GLIS3: variants seen among roughly 807,000 people sequenced by gnomAD.
The protein encoded by GLIS3 is GLIS family zinc finger 3, also known as zinc finger protein GLIS3.
In GLIS3, 53 loss-of-function variants were observed where a neutral mutation model predicts 78.6. The observed-to-expected ratio is 0.67, with a 90% CI of 0.54 to 0.85. The LOEUF is 0.85. Ranked by LOEUF, GLIS3 falls within the 40% of genes least tolerant of loss-of-function variation. GLIS3 has a pLI of 0.00. For missense variants in GLIS3, 1,703 were observed against 1,231.1 expected (o/e 1.38, Z -5.74); for synonymous variants, 684 against 509.9 (o/e 1.34, Z -4.60).
the GLIS3 span, among the ~76,000 whole-genome samples, chr9:4,489,884 G>A: frequency 1.2e-4 from 19 of 152,326 alleles, 1 homozygote; most frequent in African/African-American, 4.3e-4. Context: ...ACTCGAAGAG[G>A]AGAATAATCC....
intron 2 of GLIS3, among the ~76,000 whole-genome samples, chr9:4,210,579 G>C (rs2131297345): frequency 6.6e-6 from 1 of 152,222 alleles, no homozygotes; most frequent in Admixed American, 6.5e-5. Flanking sequence ...GAGCTGCCCT[G>C]GGACTCTTTT....
At chr9:4,130,015 C>G (rs535062405) in intron 2 of GLIS3, among the ~76,000 whole-genome samples, 1 of 152,244 alleles carries the variant, frequency 6.6e-6, no homozygotes, top group South Asian at 2.1e-4. Context: ...TATCCATTAG[C>G]AGTGAGGTTG....
In GLIS3 at chr9:3,940,245, T is replaced by G. The variant is rs976698701; in HGVS notation, c.1711-3056A>C. ...TACCAAAATTGGATTCTTTGACTTTTGGGGCAAATGGATGCCTTTTATCCT... is the reference window on the plus strand; with the variant it reads ...TACCAAAATTGGATTCTTTGACTTTGGGGGCAAATGGATGCCTTTTATCCT... On this transcript the variant is annotated intron_variant, in intron 4 of 10. Transcript: ENST00000381971. 3.3e-5 allele frequency among the ~76,000 whole-genome samples: 5 copies of G among 152,226 alleles called. No individual in the cohort carries two copies. In the East Asian group the frequency reaches 9.6e-4, roughly 29 times the overall value.
At chr9:4,314,375 T>C (rs941485346) in intron 2 of GLIS3, among the ~76,000 whole-genome samples, 2 of 152,194 alleles carry the variant, frequency 1.3e-5, no homozygotes, top group African/African-American at 4.8e-5. Context: ...GTTTCCTCAG[T>C]GTCCTTACTC....
chr9:4,354,927 T>C, the GLIS3 span, among the ~76,000 whole-genome samples: 101 of 151,956 alleles, frequency 6.6e-4, no homozygotes, highest in Non-Finnish European at 7.9e-4. Flanking sequence ...CCATCCTGGC[T>C]AACACGGCGA....
chr9:4,061,965 A>G (rs1826691894), intron 4 of GLIS3, among the ~76,000 whole-genome samples: 3 of 152,208 alleles, frequency 2.0e-5, no homozygotes, highest in Admixed American at 2.0e-4. Context: ...GGGAGCATAA[A>G]AAATGGGGAA....
intron 1 of GLIS3, among the ~76,000 whole-genome samples, chr9:4,292,005 AG>A (rs1816022080): frequency 6.6e-6 from 1 of 152,150 alleles, no homozygotes; most frequent in Non-Finnish European, 1.5e-5. Context: ...GAGGAAAATT[AG>A]GGGTTTTCTT....
the GLIS3 span, among the ~76,000 whole-genome samples, chr9:4,385,775 AAG>A: frequency 1.3e-5 from 1 of 75,574 alleles, no homozygotes; most frequent in African/African-American, 7.2e-5. Context: ...GAAAGAAAGA[AAG>A]AAAGAAAGAA....
At chr9:4,357,588 T>TGC in the GLIS3 span, among the ~76,000 whole-genome samples, 1 of 149,264 alleles carries the variant, frequency 6.7e-6, no homozygotes, top group Non-Finnish European at 1.5e-5. Context: ...TGTGTGTGTG[T>TGC]GCATGTGTAT....
chr9:4,055,107 A>T (rs1588554797), intron 4 of GLIS3, among the ~76,000 whole-genome samples: 1 of 152,282 alleles, frequency 6.6e-6, no homozygotes, highest in East Asian at 1.9e-4. Context: ...TGCCTTTTTC[A>T]TCTTTCTCCT....
At chr9:4,377,716 A>G in the GLIS3 span, among the ~76,000 whole-genome samples, 3 of 152,264 alleles carry the variant, frequency 2.0e-5, no homozygotes, top group East Asian at 1.9e-4. Flanking sequence ...TTATTGTTAT[A>G]TAGTATAAGA....
chr9:3,921,424 G>C (rs936145220), intron 6 of GLIS3, among the ~76,000 whole-genome samples: 4 of 152,166 alleles, frequency 2.6e-5, no homozygotes, highest in African/African-American at 9.7e-5. Flanking sequence ...CCCAGAGTCA[G>C]AGCTAAGATT....
At chr9:3,962,980 A>G (rs1055694166) in intron 4 of GLIS3, among the ~76,000 whole-genome samples, 1 of 151,778 alleles carries the variant, frequency 6.6e-6, no homozygotes, top group African/African-American at 2.4e-5. Context: ...ATTGAGGTAT[A>G]AAAAGCCACA....
intron 2 of GLIS3, among the ~76,000 whole-genome samples, chr9:4,262,539 T>C (rs1237680169): frequency 6.6e-6 from 1 of 152,168 alleles, no homozygotes; most frequent in Non-Finnish European, 1.5e-5. Flanking sequence ...AACAGTTCCA[T>C]GAGTTAAATA....
At chr9:4,305,517 C>A (rs1817205724) in intron 4 of GLIS3, 1 of 152,220 alleles carries the variant, frequency 6.6e-6, no homozygotes, top group Admixed American at 6.5e-5. Flanking sequence ...CTGATGGGCT[C>A]GATGATTCAG....
chr9:3,961,918 T>C (rs953743691), intron 4 of GLIS3, among the ~76,000 whole-genome samples: 1 of 152,112 alleles, frequency 6.6e-6, no homozygotes, highest in Non-Finnish European at 1.5e-5. Flanking sequence ...GAAAGTAGCA[T>C]TACTGGCCCG....
At chr9:4,083,654 G>T (rs978206263) in intron 4 of GLIS3, among the ~76,000 whole-genome samples, 2 of 152,182 alleles carry the variant, frequency 1.3e-5, no homozygotes, top group African/African-American at 4.8e-5. Flanking sequence ...CACTGAAGAT[G>T]TGTATGACAA....
intron 9 of GLIS3, among the ~76,000 whole-genome samples, chr9:3,833,330 C>G (rs1391867508): frequency 6.6e-6 from 1 of 152,192 alleles, no homozygotes; most frequent in Non-Finnish European, 1.5e-5. Flanking sequence ...CTCTTCCCAG[C>G]ACTATTTTCA....
chr9:4,374,353 G>A, the GLIS3 span, among the ~76,000 whole-genome samples: 21 of 152,198 alleles, frequency 1.4e-4, no homozygotes, highest in Non-Finnish European at 3.1e-4. Flanking sequence ...GGCTGCTGTG[G>A]ATACTTTTGA....
Sources: allele counts gnomAD v4.1 joint callset (sites outside exome capture counted in the v4.1 genomes callset), GRCh38; gene constraint gnomAD v4.1.1; transcripts MANE v1.5; gene names NCBI Gene and HGNC (gene_info 2026-07-23, HGNC 2026-07-21).